The following SGK1 variants were observed in gnomAD, a reference collection of about 807,000 sequenced individuals.
SGK1 encodes serine/threonine-protein kinase Sgk1.
A neutral mutation model predicts 64.2 loss-of-function variants in SGK1; 26 were observed. The ratio of observed to expected loss-of-function variants is 0.40; its 90% CI spans 0.30 to 0.56. The LOEUF (loss-of-function observed/expected upper bound fraction) is 0.56. Among genes scored for constraint, SGK1 ranks in the 20% least tolerant of loss-of-function variants. The probability of loss-of-function intolerance (pLI) is 0.38; values close to 1 mark genes in which losing one functional copy is unlikely to be tolerated. For missense variants in SGK1, 519 were observed against 645.6 expected (o/e 0.80, Z 2.12); for synonymous variants, 265 against 239.7 (o/e 1.11, Z -0.98).
At chr6:134,303,308 C>G (rs1164462413) in intron 1 of SGK1, among the ~76,000 whole-genome samples, 2 of 151,950 alleles carry the variant, frequency 1.3e-5, no homozygotes, top group South Asian at 2.1e-4. Flanking sequence ...AGGAGAATGG[C>G]GTGAACCTGG....
intron 2 of SGK1, chr6:134,215,134 C>CTTCTT: frequency 2.6e-6 from 1 of 390,546 alleles, no homozygotes; most frequent in Non-Finnish European, 4.9e-6. Flanking sequence ...TTCTTTCTTT[C>CTTCTT]TTTTTTTTTT....
intron 1 of SGK1, among the ~76,000 whole-genome samples, chr6:134,314,248 C>G (rs1393418969): frequency 1.3e-5 from 2 of 152,034 alleles, no homozygotes; most frequent in African/African-American, 4.8e-5. Context: ...CCCAGGGCAG[C>G]CTCTCATTAC....
intron 1 of SGK1, among the ~76,000 whole-genome samples, chr6:134,265,437 G>A (rs1476576735): frequency 6.6e-6 from 1 of 150,728 alleles, no homozygotes; most frequent in Non-Finnish European, 1.5e-5. Context: ...TCCAGCCTGG[G>A]CAACAAGAGT....
chr6:134,258,648 T>A (rs1776719413), intron 2 of SGK1, among the ~76,000 whole-genome samples: 2 of 152,092 alleles, frequency 1.3e-5, no homozygotes, highest in African/African-American at 4.8e-5. Context: ...GAGATTCTAG[T>A]AAGCCGAGAT....
chr6:134,178,807 T>G (rs1775288486), intron 3 of SGK1, among the ~76,000 whole-genome samples: 1 of 152,018 alleles, frequency 6.6e-6, no homozygotes, highest in Non-Finnish European at 1.5e-5. Context: ...ATAGGCTAAT[T>G]ACCTCCCCAC....
intron 2 of SGK1, chr6:134,215,118 T>TTTTC (rs201147934): frequency 0.014 from 5,212 of 362,032 alleles, 245 homozygotes; most frequent in Middle Eastern, 0.042. Context: ...TGAGAGTAAG[T>TTTTC]TTTCTTTCTT....
intron 1 of SGK1, among the ~76,000 whole-genome samples, chr6:134,315,138 C>CA (rs1004371815): frequency 1.3e-5 from 2 of 151,654 alleles, no homozygotes; most frequent in Non-Finnish European, 2.9e-5. Flanking sequence ...AACAAACAAA[C>CA]AAAAAAAGCA....
chr6:134,182,104 C>T (rs1454910244), intron 3 of SGK1, among the ~76,000 whole-genome samples: 3 of 151,414 alleles, frequency 2.0e-5, no homozygotes, highest in Middle Eastern at 3.5e-3. Flanking sequence ...GTGATCTGTC[C>T]TCCTCAGCCT....
intron 1 of SGK1, among the ~76,000 whole-genome samples, chr6:134,295,004 T>C (rs1777324419): frequency 6.6e-6 from 1 of 152,178 alleles, no homozygotes; most frequent in Non-Finnish European, 1.5e-5. Flanking sequence ...AAAACGATTG[T>C]GGTTTTTGGC....
intron 2 of SGK1, among the ~76,000 whole-genome samples, chr6:134,239,068 G>A (rs1391678298): frequency 3.9e-5 from 6 of 152,164 alleles, no homozygotes; most frequent in African/African-American, 7.2e-5. Flanking sequence ...ACAGCTGAAC[G>A]CATACTTGGC....
chr6:134,170,997 C>T lies in SGK1; in HGVS notation c.1323+26G>A, dbSNP rs1554217827. 3.7e-6 allele frequency: 6 copies of T among 1,613,848 alleles called. No homozygotes were observed. The South Asian group carries it at 6.6e-5, about 18-fold the overall frequency. On this transcript the variant is annotated intron_variant, in intron 12 of 13. Transcript: ENST00000367858. ...GGTCTAGTGCACGTCCCGGCCGGCCCAGGAGGACAGGAAAACATCACTCAC... is the reference window on the plus strand; with the variant it reads ...GGTCTAGTGCACGTCCCGGCCGGCCTAGGAGGACAGGAAAACATCACTCAC...
rs150018874 is a variant in SGK1, at chr6:134,170,278, G to C, written c.1571C>G (p.Ser524Cys). The C allele has an allele frequency of 5.6e-6, 9 of 1,611,464 alleles. No individual in the cohort carries two copies. Among genetic ancestry groups the C allele is most frequent in the Non-Finnish European group, 7.6e-6 (9 of 1,178,020 alleles). Residue 524 changes from serine to cysteine, a missense_variant, in exon 14 of 14, where the codon TCT becomes TGT. Coordinates refer to ENST00000367858, the MANE Select transcript of SGK1 (RefSeq NM_001143676.3). The stretch of plus-strand genomic sequence containing the variant: ...AAGCCCTAACAGGGTTCAGAGGAAA[G>C]AGTCCGTGGGAGGCGCATAGGAAAA... ...LGFSYAPPTD[S>C]FL
intron 1 of SGK1, among the ~76,000 whole-genome samples, chr6:134,294,344 T>C (rs564214771): frequency 3.9e-5 from 6 of 152,140 alleles, no homozygotes; most frequent in Non-Finnish European, 7.4e-5. Flanking sequence ...TCTCCAAAAC[T>C]GTTTTCATCT....
chr6:134,221,636 G>A (rs1359266449), intron 2 of SGK1, among the ~76,000 whole-genome samples: 1 of 151,816 alleles, frequency 6.6e-6, no homozygotes, highest in Non-Finnish European at 1.5e-5. Context: ...TCCTAAACGG[G>A]TGCTTGGCAC....
chr6:134,184,492 G>T (rs1182413437), intron 3 of SGK1, among the ~76,000 whole-genome samples: 2 of 122,336 alleles, frequency 1.6e-5, no homozygotes, highest in African/African-American at 3.2e-5. Context: ...GTGACAGAGT[G>T]AGACTCCATC....
At position 134,181,642 on chromosome 6, in the gene SGK1, G is replaced by A. The variant is rs556702121; in HGVS notation, c.362-7056C>T. On this transcript the variant is annotated intron_variant, in intron 3 of 13. Transcript: ENST00000367858. ...TTACAGGCATAAGCCACCATGCCCGGCCCAAGTCTCTCCCATTTCTGAGCC... is the reference window on the plus strand; with the variant it reads ...TTACAGGCATAAGCCACCATGCCCGACCCAAGTCTCTCCCATTTCTGAGCC... Among the ~76,000 whole-genome samples the A allele has an allele frequency of 1.5e-3, 227 of 151,534 alleles. 1 individual carries two copies. Among genetic ancestry groups the A allele is most frequent in the African/African-American group, 5.2e-3 (216 of 41,268 alleles).
chr6:134,247,553 A>G (rs1413262550), intron 2 of SGK1, among the ~76,000 whole-genome samples: 2 of 152,222 alleles, frequency 1.3e-5, no homozygotes, highest in African/African-American at 4.8e-5. Flanking sequence ...AAACCCTATG[A>G]GTTTGAACTT....
rs965761199 is a variant in SGK1 at position 134,219,628 on chromosome 6, C to T, written c.286-12197G>A. Among the ~76,000 whole-genome samples, 4 of 151,210 alleles carry T rather than the reference C, an allele frequency of 2.6e-5. No individual in the cohort carries two copies. In the South Asian group the frequency reaches 8.3e-4, roughly 32 times the overall value. On this transcript the variant is annotated intron_variant, in intron 2 of 13. Transcript: ENST00000367858. ...ATATAAAAATAGCCGGGCGTAGTGGCGCATGCCTGTAATCCCAGCTACTAG... is the reference window on the plus strand; with the variant it reads ...ATATAAAAATAGCCGGGCGTAGTGGTGCATGCCTGTAATCCCAGCTACTAG...
At chr6:134,209,698 A>C (rs1775853472) in intron 2 of SGK1, among the ~76,000 whole-genome samples, 2 of 152,144 alleles carry the variant, frequency 1.3e-5, no homozygotes. Context: ...CTTTGTTGAG[A>C]TGGAGTCTCG....
Sources: gnomAD v4.1 joint callset for allele counts (sites outside exome capture counted in the v4.1 genomes callset) on GRCh38, gnomAD v4.1.1 for gene constraint, MANE v1.5 for transcripts, NCBI Gene and HGNC (gene_info 2026-07-23, HGNC 2026-07-21) for gene names.